The following FBN1 variants were observed in gnomAD, a reference collection of about 807,000 sequenced individuals.
FBN1 encodes fibrillin-1.
Under a neutral mutation model 365.1 loss-of-function variants are expected in FBN1, and 29 were observed. The ratio of observed to expected loss-of-function variants is 0.08; its 90% confidence interval spans 0.06 to 0.11. The LOEUF (loss-of-function observed/expected upper bound fraction) is 0.11, where lower values mean the gene tolerates loss of function less well. Among genes scored for constraint, FBN1 ranks in the 10% least tolerant of loss-of-function variants. FBN1 has a pLI of 1.00. For synonymous variants in FBN1, 1,210 were observed against 1,270.5 expected, an observed-to-expected ratio of 0.95 and a Z score of 1.01; for missense variants, 2,476 against 3,703.2, an observed-to-expected ratio of 0.67 and a Z score of 8.60.
In FBN1 at chr15:48,411,210, T is replaced by C; in HGVS notation, c.8396A>G (p.Asn2799Ser). ...GTTGATTTTAAAGAAGCCATCTTCA[T>C]TTCCAGATTCGATCAAGTATCTGTT... ...NHNRYLIESG[N>S]EDGFFKINQK... Residue 2799 changes from asparagine to serine, a missense_variant, in exon 66 of 66, where the codon AAT becomes AGT. Around this residue, in one of 5 missense-constraint regions of FBN1, gnomAD observed 177 missense variants for 192.7 expected, o/e 0.92. Coordinates refer to ENST00000316623, the MANE Select transcript of FBN1 (RefSeq NM_000138.5). 1 of 1,614,192 alleles carries C rather than the reference T, an allele frequency of 6.2e-7. No individual in the cohort carries two copies. The highest frequency in any genetic ancestry group is 8.5e-7 in the Non-Finnish European group (1 of 1,180,010).
intron 65 of FBN1, 106 bp from the exon 66 acceptor site, chr15:48,411,485 T>A: frequency 1.0e-6 from 1 of 981,552 alleles, no homozygotes; most frequent in East Asian, 2.4e-5. Flanking sequence ...ATTTTCTGCC[T>A]TATGCTGCAT....
In FBN1 at chr15:48,617,560, C is replaced by T. The variant is rs28520911; in HGVS notation, c.165-4468G>A. Among the ~76,000 whole-genome samples the T allele has an allele frequency of 6.7e-3, 1,023 of 152,284 alleles. 12 individuals are homozygous for T. Among genetic ancestry groups the T allele is most frequent in the African/African-American group, 0.023 (972 of 41,556 alleles). On this transcript the variant is annotated intron_variant, in intron 2 of 65. Transcript: ENST00000316623. Reference sequence around the variant, plus strand: ...TATTCCACTTCACCACTGTATGTTACATTTTTTTAAAATAGCTAAGTCTTT... The same window carrying T: ...TATTCCACTTCACCACTGTATGTTATATTTTTTTAAAATAGCTAAGTCTTT...
chr15:48,432,405 G>T (rs2043029947), intron 55 of FBN1, among the ~76,000 whole-genome samples: 1 of 152,170 alleles, frequency 6.6e-6, no homozygotes, highest in African/African-American at 2.4e-5. Context: ...TTTTAATGGA[G>T]ATGGTTTAGC....
chr15:48,434,859 G>A (rs1055133786), intron 53 of FBN1, 146 bp from the exon 54 acceptor site: 81 of 933,090 alleles, frequency 8.7e-5, no homozygotes, highest in Admixed American at 2.6e-4. Flanking sequence ...GTGCTGTGGC[G>A]CGATTTCAGC....
intron 6 of FBN1, among the ~76,000 whole-genome samples, chr15:48,564,474 G>T (rs1471485278): frequency 6.6e-6 from 1 of 150,878 alleles, no homozygotes; most frequent in African/African-American, 2.5e-5. Context: ...TGGACTCAAT[G>T]TCTCTGTCTA....
intron 54 of FBN1, 67 bp downstream of exon 54, chr15:48,434,527 T>C (rs1232957697): frequency 1.3e-6 from 2 of 1,596,448 alleles, no homozygotes; most frequent in Non-Finnish European, 1.7e-6. Context: ...ATATTAAGAC[T>C]TGTAATCAAC....
At chr15:48,493,010 C>T (rs555032730) in intron 23 of FBN1, among the ~76,000 whole-genome samples, 1 of 152,214 alleles carries the variant, frequency 6.6e-6, no homozygotes, top group South Asian at 2.1e-4. Flanking sequence ...GAAAAATATC[C>T]CACCAAGGAA....
Position 48,513,635 on chromosome 15 carries a change from C to A in FBN1, c.1502G>T (p.Gly501Val). The A allele has an allele frequency of 6.2e-7, 1 of 1,614,004 alleles. No homozygotes were observed. The highest frequency in any genetic ancestry group is 8.5e-7 in the Non-Finnish European group (1 of 1,179,922). The change falls in exon 13 of 66, where the codon GGT (glycine) becomes GTT (valine). Residue 501 changes from glycine (G) to valine (V), a missense_variant. Gly to Val is a moderately radical substitution (Grantham distance 109). Transcript: ENST00000316623. ...ACCCTGGTTGTTAATACACTCACCA[C>A]CAGCACAGGGGTTTTTCTCACATTC... is the stretch of plus-strand genomic sequence containing the variant. Reference protein sequence around the residue: ...VDECEKNPCAGGECINNQGSY... With the variant: ...VDECEKNPCAVGECINNQGSY...
At chr15:48,633,072 A>G (rs1890018022) in intron 2 of FBN1, among the ~76,000 whole-genome samples, 1 of 152,232 alleles carries the variant, frequency 6.6e-6, no homozygotes, top group African/African-American at 2.4e-5. Flanking sequence ...AAGGGAGAGA[A>G]AGATATTCCA....
rs1369402824 is a variant in FBN1 at position 48,412,551 on chromosome 15, A to C, written c.8226+18T>G. ...TTCCACCACAGGAGACATCAGGAGA[A>C]ACTAACTTCTGACCCACCTCGATAT... is the stretch of plus-strand genomic sequence containing the variant. On this transcript the variant is annotated intron_variant, in intron 65 of 65. Transcript: ENST00000316623. 1 of 1,613,648 alleles carries C rather than the reference A, an allele frequency of 6.2e-7. No homozygotes were observed. Among genetic ancestry groups the C allele is most frequent in the South Asian group, 1.1e-5 (1 of 91,066 alleles).
rs921997271 is a variant in FBN1 at position 48,432,962 on chromosome 15, G to T, written c.6643C>A (p.Leu2215Met). 22 of 1,613,514 alleles carry T rather than the reference G, an allele frequency of 1.4e-5. No individual in the cohort carries two copies. The highest frequency in any genetic ancestry group is 1.9e-5 in the Non-Finnish European group (22 of 1,179,636). ...EDINECAQNP[L>M]LCAFRCVNTY... ...TTCACACATCGGAAGGCACAGAGCAGAGGATTCTGGGCACATTCATTTATA... is the reference window on the plus strand; with the variant it reads ...TTCACACATCGGAAGGCACAGAGCATAGGATTCTGGGCACATTCATTTATA... Residue 2215 changes from leucine (L) to methionine (M), a missense_variant, in exon 55 of 66, where the codon CTG becomes ATG. Coordinates refer to ENST00000316623, the MANE Select transcript of FBN1 (RefSeq NM_000138.5).
intron 32 of FBN1, among the ~76,000 whole-genome samples, chr15:48,480,600 T>C (rs1291290614): frequency 3.3e-5 from 5 of 152,196 alleles, no homozygotes; most frequent in Non-Finnish European, 5.9e-5. Flanking sequence ...TTATCCTACA[T>C]ATCAATAAAT....
intron 3 of FBN1, 77 bp downstream of exon 3, chr15:48,612,933 C>T (rs1030565996): frequency 1.9e-6 from 2 of 1,050,460 alleles, no homozygotes; most frequent in Non-Finnish European, 3.0e-6. Context: ...TTACAAAAGG[C>T]CACATTCTAA....
At chr15:48,561,914 A>G (rs1015154212) in intron 6 of FBN1, among the ~76,000 whole-genome samples, 1 of 152,188 alleles carries the variant, frequency 6.6e-6, no homozygotes, top group East Asian at 1.9e-4. Context: ...TTATTGGTAA[A>G]AAGCCCAAAT....
intron 6 of FBN1, among the ~76,000 whole-genome samples, chr15:48,555,017 C>T (rs2044169033): frequency 6.6e-6 from 1 of 152,158 alleles, no homozygotes; most frequent in Non-Finnish European, 1.5e-5. Flanking sequence ...CAACGTGAGA[C>T]AGAATAAGCC....
intron 3 of FBN1, among the ~76,000 whole-genome samples, chr15:48,611,659 A>T (rs1387420231): frequency 6.6e-6 from 1 of 152,110 alleles, no homozygotes; most frequent in Non-Finnish European, 1.5e-5. Flanking sequence ...CTGATTCTAC[A>T]GTCAGGAAGC....
chr15:48,542,495 A>C (rs1210019787), intron 6 of FBN1, among the ~76,000 whole-genome samples: 1 of 152,190 alleles, frequency 6.6e-6, no homozygotes, highest in Non-Finnish European at 1.5e-5. Flanking sequence ...CTTTCTGAGG[A>C]AGGAGTTCAG....
intron 53 of FBN1, among the ~76,000 whole-genome samples, chr15:48,436,470 G>T (rs1433347393): frequency 2.0e-5 from 3 of 151,906 alleles, no homozygotes; most frequent in Non-Finnish European, 2.9e-5. Context: ...GTTGATTAAG[G>T]GTCAAAGGCC....
In FBN1 at chr15:48,408,692, G is replaced by A. The variant is rs932734094; in HGVS notation, c.*2298C>T. On this transcript the variant is annotated 3_prime_UTR_variant, in exon 66 of 66. Transcript: ENST00000316623. ...TCCAACAAGAGGAATATTTACAATG[G>A]AACAATGAGGAAAATGTTTTGTTAC... 5 of 152,592 alleles carry A rather than the reference G, an allele frequency of 3.3e-5. No individual in the cohort carries two copies. The highest frequency in any genetic ancestry group is 1.2e-4 in the African/African-American group (5 of 41,446). 9.5% of individuals were successfully genotyped at this position (152,592 alleles called of 1,614,324 possible).
Sources: allele counts gnomAD v4.1 joint callset (sites outside exome capture counted in the v4.1 genomes callset), GRCh38; gene constraint gnomAD v4.1.1; regional missense constraint gnomAD v4.1.1; transcripts MANE v1.5; gene names NCBI Gene and HGNC (gene_info 2026-07-23, HGNC 2026-07-21).